The following TESC variants were observed in gnomAD, a reference collection of about 807,000 sequenced individuals.
The protein encoded by TESC is calcineurin B homologous protein 3.
TESC carries 19 observed loss-of-function variants against 31.0 expected under a neutral mutation model. That is an observed-to-expected ratio of 0.61 (90% CI 0.43 to 0.90). TESC has a LOEUF of 0.90. Ranked by LOEUF, TESC falls within the 40% of genes least tolerant of loss-of-function variation. TESC has a pLI of 0.00. For synonymous variants in TESC, 109 were observed against 114.8 expected (o/e 0.95, Z 0.32); for missense variants, 248 against 303.8 (o/e 0.82, Z 1.36).
At chr12:117,090,257 A>G (rs1955288507) in intron 1 of TESC, among the ~76,000 whole-genome samples, 1 of 152,252 alleles carries the variant, frequency 6.6e-6, no homozygotes, top group Non-Finnish European at 1.5e-5. Context: ...ATGAATATGT[A>G]GGTTCTTAAG....
rs572634488 is a variant in TESC at position 117,039,034 on chromosome 12, G to A, written c.*99C>T. 1.1e-5 allele frequency: 15 copies of A among 1,341,634 alleles called. No individual in the cohort carries two copies. The highest frequency in any genetic ancestry group is 5.9e-5 in the Admixed American group (3 of 51,038). 83.1% of individuals were successfully genotyped at this position (1,341,634 alleles called of 1,614,324 possible). A position where few individuals can be genotyped will look rare whatever the true frequency, so the allele number is the denominator to read the frequency against. On this transcript the variant is annotated 3_prime_UTR_variant, in exon 8 of 8. Transcript: ENST00000335209. ...AGACGAGCCTTGGCTATGTACCGGC[G>A]CTGCAGGAAGAGGCTGTCCGCCGGG...
At chr12:117,098,195 G>T (rs1955420611) in intron 1 of TESC, among the ~76,000 whole-genome samples, 1 of 152,184 alleles carries the variant, frequency 6.6e-6, no homozygotes, top group African/African-American at 2.4e-5. Context: ...CAGGTGCCAG[G>T]AGCTAGCTCT....
At chr12:117,079,632 G>A (rs2135790729) in intron 1 of TESC, among the ~76,000 whole-genome samples, 1 of 151,790 alleles carries the variant, frequency 6.6e-6, no homozygotes, top group African/African-American at 2.4e-5. Context: ...GACACACACT[G>A]GATGATTCCA....
Position 117,099,375 on chromosome 12 carries a change from C to A in TESC, c.-93G>T, listed in dbSNP as rs1213653393. 16 of 1,255,082 alleles carry A rather than the reference C, an allele frequency of 1.3e-5. No individual in the cohort carries two copies. Among genetic ancestry groups the A allele is most frequent in the African/African-American group, 3.2e-5 (2 of 63,440 alleles). The allele number at this position is 1,255,082 out of a possible 1,614,324, so 77.7% of individuals were successfully genotyped here. ...CGGCGGGACTGGCCTCGGGTCCGGC[C>A]TCGGGTCGGGACGCCGGCGAAGGCT... On this transcript the variant is annotated 5_prime_UTR_variant, in exon 1 of 8. The change creates a new upstream start codon in the 5' untranslated region. Transcript: ENST00000335209.
chr12:117,061,961 G>A (rs577333213), intron 2 of TESC, among the ~76,000 whole-genome samples: 5 of 152,282 alleles, frequency 3.3e-5, no homozygotes, highest in African/African-American at 9.6e-5. Flanking sequence ...CTAATGAGAT[G>A]ATCAAATGAG....
intron 7 of TESC, among the ~76,000 whole-genome samples, chr12:117,041,014 G>A (rs77585851): frequency 0.044 from 5,993 of 134,864 alleles, 146 homozygotes; most frequent in South Asian, 0.12. Context: ...GCCCAGGGCC[G>A]AACTGCGGGG....
At chr12:117,070,533 C>G (rs78453145) in intron 2 of TESC, among the ~76,000 whole-genome samples, 1 of 152,254 alleles carries the variant, frequency 6.6e-6, no homozygotes, top group South Asian at 2.1e-4. Flanking sequence ...CCTCCCCCAC[C>G]CCCAGTAGCA....
intron 7 of TESC, among the ~76,000 whole-genome samples, chr12:117,039,627 T>C (rs543813486): frequency 6.6e-6 from 1 of 152,196 alleles, no homozygotes; most frequent in Non-Finnish European, 1.5e-5. Context: ...CCCGTCCTCA[T>C]CATGGACGCG....
intron 2 of TESC, among the ~76,000 whole-genome samples, chr12:117,066,670 T>C (rs1356358264): frequency 6.6e-6 from 1 of 152,072 alleles, no homozygotes; most frequent in Non-Finnish European, 1.5e-5. Context: ...CAGCCAACCT[T>C]AGTATATTGC....
At chr12:117,069,235 C>T (rs186191904) in intron 2 of TESC, among the ~76,000 whole-genome samples, 7 of 151,950 alleles carry the variant, frequency 4.6e-5, no homozygotes, top group Admixed American at 4.6e-4. Context: ...AAAAAGGGAA[C>T]ATAACAAAAT....
chr12:117,083,761 T>G (rs1324249654), intron 1 of TESC, among the ~76,000 whole-genome samples: 1 of 152,162 alleles, frequency 6.6e-6, no homozygotes, highest in Non-Finnish European at 1.5e-5. Context: ...GAGAAGTGAC[T>G]GCCAGTGGGT....
At chr12:117,091,691 G>C (rs1390104229) in intron 1 of TESC, among the ~76,000 whole-genome samples, 1 of 152,110 alleles carries the variant, frequency 6.6e-6, no homozygotes, top group Non-Finnish European at 1.5e-5. Context: ...TCCCAGCCGT[G>C]GTCCCCACTC....
At chr12:117,094,739 T>C (rs1264183174) in intron 1 of TESC, among the ~76,000 whole-genome samples, 1 of 152,014 alleles carries the variant, frequency 6.6e-6, no homozygotes, top group Non-Finnish European at 1.5e-5. Context: ...GTTAACGCTG[T>C]GCGCGGTGGC....
intron 2 of TESC, among the ~76,000 whole-genome samples, chr12:117,064,854 C>T (rs1447271438): frequency 6.6e-6 from 1 of 152,174 alleles, no homozygotes; most frequent in Non-Finnish European, 1.5e-5. Flanking sequence ...TGGGTGGAGG[C>T]CAGGGATGCT....
rs149795196 is a variant in TESC at position 117,072,207 on chromosome 12, C to A, written c.128+3064G>T. 7.2e-5 allele frequency among the ~76,000 whole-genome samples: 11 copies of A among 152,186 alleles called. No homozygotes were observed. In the East Asian group the frequency reaches 2.1e-3, roughly 29 times the overall value. ...CCTCAGGATGGGGTGGAAGAATAGC[C>A]CCATTTGCCAAATGCCTGTGAACCC... On this transcript the variant is annotated intron_variant, in intron 2 of 7. Transcript: ENST00000335209.
In TESC at chr12:117,077,872, C is replaced by T. The variant is rs139940339; in HGVS notation, c.59-2532G>A. Among the ~76,000 whole-genome samples, 58 of 152,044 alleles carry T rather than the reference C, an allele frequency of 3.8e-4. 1 individual carries two copies. In the East Asian group the frequency reaches 8.7e-3, roughly 23 times the overall value. On this transcript the variant is annotated intron_variant, in intron 1 of 7. Transcript: ENST00000335209. ...TAGATCTCCGTACACTTTACATAGT[C>T]GTGTTCTCGGAAACCTCAAAGAGCT...
Position 117,039,209 on chromosome 12 carries a change from A to G in TESC, c.569T>C (p.Ile190Thr), listed in dbSNP as rs1475002035. ...GGTCTCAATGTCGATCCCCTGCCAG[A>G]TCTGGAAGGGACGGAGCAGCGTTAA... ...EGITFEDFLK[I>T]WQGIDIETKM... Residue 190 changes from isoleucine (I) to threonine (T), a missense_variant and splice_region_variant, in exon 8 of 8, where the codon ATC becomes ACC. Ile to Thr is a moderately conservative substitution (Grantham distance 89). Coordinates refer to ENST00000335209, the MANE Select transcript of TESC (RefSeq NM_017899.4). The G allele has an allele frequency of 6.2e-7, 1 of 1,613,448 alleles. No homozygotes were observed.
At chr12:117,098,982 G>C (rs1955434494) in intron 1 of TESC, among the ~76,000 whole-genome samples, 1 of 152,138 alleles carries the variant, frequency 6.6e-6, no homozygotes, top group South Asian at 2.1e-4. Context: ...CAGTCCCCCG[G>C]CCAGGGAGTT....
chr12:117,046,584 G>A lies in TESC; in HGVS notation c.494C>T (p.Ala165Val), dbSNP rs751083650. The change falls in exon 6 of 8, where the codon GCG becomes GTG. Residue 165 changes from alanine to valine, a missense_variant. Coordinates refer to ENST00000335209, the MANE Select transcript of TESC (RefSeq NM_017899.4). ...CATCTGCCCCATGCACACGCTGGCC[G>A]CCTCCATCATGGCCCCGTCGGCGAT... ...RSIADGAMME[A>V]ASVCMGQMEP... 35 of 1,550,770 alleles carry A rather than the reference G, an allele frequency of 2.3e-5. No individual in the cohort carries two copies. The highest frequency in any genetic ancestry group is 3.6e-5 in the South Asian group (3 of 84,058).
Sources: allele counts gnomAD v4.1 joint callset (sites outside exome capture counted in the v4.1 genomes callset), GRCh38; gene constraint gnomAD v4.1.1; transcripts MANE v1.5; gene names NCBI Gene and HGNC (gene_info 2026-07-23, HGNC 2026-07-21).